Variants in STIMATE observed in about 807,000 individuals in gnomAD.
The protein encoded by STIMATE is STIM activating enhancer, also known as store-operated calcium entry regulator STIMATE.
In STIMATE, 15 loss-of-function variants were observed where a neutral mutation model predicts 36.7. The observed-to-expected ratio is 0.41, with a 90% CI of 0.27 to 0.63. The LOEUF is 0.63. Ranked by LOEUF, STIMATE falls within the 20% of genes least tolerant of loss-of-function variation. The pLI is 0.32. For missense variants in STIMATE, 305 were observed against 397.3 expected, an observed-to-expected ratio of 0.77 and a Z score of 1.98; for synonymous variants, 163 against 162.3, an observed-to-expected ratio of 1.00 and a Z score of -0.03.
intron 2 of STIMATE, among the ~76,000 whole-genome samples, chr3:52,853,099 C>T (rs1701036298): frequency 6.6e-6 from 1 of 152,298 alleles, no homozygotes; most frequent in Admixed American, 6.5e-5. Context: ...AGCTGGATCC[C>T]TAAAGAAATT....
intron 2 of STIMATE, among the ~76,000 whole-genome samples, chr3:52,854,000 C>T (rs13066997): frequency 0.89 from 135,527 of 152,218 alleles, 62,218 homozygotes; most frequent in Non-Finnish European, 1. Context: ...ACCACCATTT[C>T]ACGAAGGAAA....
intron 3 of STIMATE, among the ~76,000 whole-genome samples, chr3:52,852,190 A>G (rs1701012763): frequency 6.6e-6 from 1 of 152,222 alleles, no homozygotes; most frequent in African/African-American, 2.4e-5. Context: ...GAGGTCAATG[A>G]GGGTCAACAA....
chr3:52,872,496 A>T (rs1251063252), intron 1 of STIMATE, among the ~76,000 whole-genome samples: 1 of 152,220 alleles, frequency 6.6e-6, no homozygotes, highest in Non-Finnish European at 1.5e-5. Context: ...TGGATGATGT[A>T]AGCTGTACGC....
chr3:52,871,994 C>T (rs1559496072), intron 1 of STIMATE, among the ~76,000 whole-genome samples: 2 of 152,168 alleles, frequency 1.3e-5, no homozygotes, highest in African/African-American at 4.8e-5. Context: ...CTGGCTCATG[C>T]GGCACCTTCC....
intron 3 of STIMATE, 124 bp from the exon 4 acceptor site, chr3:52,850,037 G>A (rs1700970881): frequency 9.8e-6 from 14 of 1,423,252 alleles, no homozygotes; most frequent in Non-Finnish European, 1.2e-5. Flanking sequence ...TCTGGGGGCT[G>A]GGAGCCCTCA....
intron 1 of STIMATE, among the ~76,000 whole-genome samples, chr3:52,879,844 G>A (rs200113680): frequency 4.6e-5 from 7 of 152,176 alleles, no homozygotes; most frequent in Non-Finnish European, 8.8e-5. Context: ...TAAAGAACAC[G>A]TGGAAAAGGA....
At chr3:52,870,167 A>G (rs1701378718) in intron 1 of STIMATE, among the ~76,000 whole-genome samples, 1 of 152,198 alleles carries the variant, frequency 6.6e-6, no homozygotes, top group South Asian at 2.1e-4. Context: ...CATGTTGGCC[A>G]GGCTGGTCCT....
intron 1 of STIMATE, among the ~76,000 whole-genome samples, chr3:52,886,261 T>A (rs147088627): frequency 6.6e-6 from 1 of 152,276 alleles, no homozygotes; most frequent in Non-Finnish European, 1.5e-5. Flanking sequence ...GAAGCAGCAT[T>A]GTGTGTCAAG....
At chr3:52,849,626 C>A (rs1195313042) in intron 4 of STIMATE, among the ~76,000 whole-genome samples, 166 bp downstream of exon 4, 1 of 42,676 alleles carries the variant, frequency 2.3e-5, no homozygotes, top group Non-Finnish European at 1.0e-4. Context: ...CCCACACCCA[C>A]AGGAGGGTGT....
intron 1 of STIMATE, among the ~76,000 whole-genome samples, chr3:52,876,241 C>G (rs1386307051): frequency 6.6e-6 from 1 of 152,184 alleles, no homozygotes; most frequent in East Asian, 1.9e-4. Context: ...TGAAGTCCAA[C>G]AGGCAGCAAG....
chr3:52,894,419 T>TA (rs1157785943), intron 1 of STIMATE, among the ~76,000 whole-genome samples: 1 of 152,176 alleles, frequency 6.6e-6, no homozygotes, highest in East Asian at 1.9e-4. Flanking sequence ...AGAGGGTCTA[T>TA]AAACCCTACA....
Position 52,849,893 on chromosome 3 carries a change from A to G in STIMATE, c.326T>C (p.Leu109Pro). Residue 109 changes from leucine to proline, a missense_variant, in exon 4 of 8, where the codon CTG becomes CCG. Leu to Pro is a moderately conservative substitution (Grantham distance 98). Transcript: ENST00000355083. The stretch of plus-strand genomic sequence containing the variant: ...GAGCAGCATGCCCACAGTGGCGTCC[A>G]GGAGGAAGTTGATGAGGTACCTGTG... ...PCSLYLINFL[L>P]DATVGMLLIY... 1 of 1,613,824 alleles carries G rather than the reference A, an allele frequency of 6.2e-7. No individual in the cohort carries two copies. The highest frequency in any genetic ancestry group is 8.5e-7 in the Non-Finnish European group (1 of 1,179,934).
intron 5 of STIMATE, 69 bp downstream of exon 5, chr3:52,844,760 T>C: frequency 3.8e-6 from 6 of 1,569,198 alleles, no homozygotes; most frequent in Non-Finnish European, 5.2e-6. Context: ...TTGGCGTATG[T>C]GGGTGATGGG....
chr3:52,869,800 G>A (rs1389610033), intron 1 of STIMATE, among the ~76,000 whole-genome samples: 1 of 152,208 alleles, frequency 6.6e-6, no homozygotes, highest in East Asian at 1.9e-4. Flanking sequence ...TAGTGTTTGC[G>A]AGTATGAGCT....
intron 1 of STIMATE, among the ~76,000 whole-genome samples, chr3:52,865,417 A>G (rs971235557): frequency 2.6e-5 from 4 of 152,158 alleles, no homozygotes; most frequent in African/African-American, 9.6e-5. Flanking sequence ...AGTATGATAA[A>G]GATGCATCCA....
rs1196018850 is a variant in STIMATE at position 52,839,575 on chromosome 3, C to T, written c.*919G>A. 6.6e-6 allele frequency: 1 copy of T among 152,218 alleles called. No homozygotes were observed. The highest frequency in any genetic ancestry group is 1.5e-5 in the Non-Finnish European group (1 of 68,048). 9.4% of individuals were successfully genotyped at this position (152,218 alleles called of 1,614,324 possible). A position where few individuals can be genotyped will look rare whatever the true frequency, so the allele number is the denominator to read the frequency against. ...TCATGGGCCCTGGGCAGAGCCTTTC[C>T]TGTTCCACACTCTGCAGCTCCTGGA... is the stretch of plus-strand genomic sequence containing the variant. On this transcript the variant is annotated 3_prime_UTR_variant, in exon 8 of 8. Transcript: ENST00000355083.
rs536865758 is a variant in STIMATE at position 52,877,833 on chromosome 3, C to T, written c.160+19458G>A. Among the ~76,000 whole-genome samples the T allele has an allele frequency of 4.6e-5, 7 of 152,238 alleles. No individual in the cohort carries two copies. In the South Asian group the frequency reaches 1.2e-3, roughly 27 times the overall value. ...ATCACTGGCCGGGTGTGGTGGCTCA[C>T]GCCTGTAATCCCAGCACTTTGAGAG... On this transcript the variant is annotated intron_variant, in intron 1 of 7. Transcript: ENST00000355083.
chr3:52,848,831 T>C (rs1034154588), intron 4 of STIMATE, among the ~76,000 whole-genome samples: 1 of 152,208 alleles, frequency 6.6e-6, no homozygotes, highest in African/African-American at 2.4e-5. Context: ...AGCTGTGTGT[T>C]GGACACTATC....
chr3:52,840,658 C>T (rs746952500), intron 7 of STIMATE, 48 bp from the exon 8 acceptor site: 69 of 1,522,928 alleles, frequency 4.5e-5, no homozygotes, highest in Non-Finnish European at 1.3e-5. Context: ...GCAGGGCCTT[C>T]TTCATTTGCC....
Sources: allele counts gnomAD v4.1 joint callset (sites outside exome capture counted in the v4.1 genomes callset), GRCh38; gene constraint gnomAD v4.1.1; transcripts MANE v1.5; gene names NCBI Gene and HGNC (gene_info 2026-07-23, HGNC 2026-07-21).